ARHGEF33: variants seen among roughly 807,000 people sequenced by gnomAD.
ARHGEF33 encodes DH and coiled-coil domain-containing protein ENSP00000381780.
Under a neutral mutation model 101.9 loss-of-function variants are expected in ARHGEF33, and 72 were observed. The observed-to-expected ratio is 0.71, with a 90% CI of 0.58 to 0.86. The LOEUF (loss-of-function observed/expected upper bound fraction) is 0.86, where lower values mean the gene tolerates loss of function less well. Among genes scored for constraint, ARHGEF33 ranks in the 40% least tolerant of loss-of-function variants. The probability of loss-of-function intolerance (pLI) is 0.00; values close to 1 mark genes in which losing one functional copy is unlikely to be tolerated. For synonymous variants in ARHGEF33, 499 were observed against 442.5 expected, an observed-to-expected ratio of 1.13 and a Z score of -1.60; for missense variants, 1,169 against 1,111.3, an observed-to-expected ratio of 1.05 and a Z score of -0.74.
chr2:38,941,820 C>T (rs1460734078), intron 9 of ARHGEF33, among the ~76,000 whole-genome samples: 2 of 152,166 alleles, frequency 1.3e-5, no homozygotes, highest in African/African-American at 4.8e-5. Context: ...GCTGGGATTA[C>T]AGGTGTGAGC....
chr2:38,955,156 A>G lies in ARHGEF33; in HGVS notation c.1221+700A>G, dbSNP rs183901997. Among the ~76,000 whole-genome samples the G allele has an allele frequency of 8.5e-5, 13 of 152,312 alleles. No individual in the cohort carries two copies. The East Asian group carries it at 9.6e-4, about 11-fold the overall frequency. ...CATCTAACCTGTTCACTTAACTGCT[A>G]TCCTGACTACTTTCTTTTGGCATTG... is the stretch of plus-strand genomic sequence containing the variant. On this transcript the variant is annotated intron_variant, in intron 13 of 17. Coordinates refer to ENST00000409978, the MANE Select transcript of ARHGEF33 (RefSeq NM_001145451.5).
At chr2:38,944,277 G>C (rs568297816) in intron 10 of ARHGEF33, among the ~76,000 whole-genome samples, 21 of 152,222 alleles carry the variant, frequency 1.4e-4, no homozygotes, top group Non-Finnish European at 2.6e-4. Context: ...GGGAGTCTAA[G>C]ATCGAGGTGC....
At chr2:38,968,463 C>G (rs1668098234) in intron 17 of ARHGEF33, among the ~76,000 whole-genome samples, 1 of 152,164 alleles carries the variant, frequency 6.6e-6, no homozygotes, top group Admixed American at 6.5e-5. Context: ...TTTTGAAGCC[C>G]TAGCATGTAG....
At chr2:38,964,462 G>A (rs904577187) in intron 16 of ARHGEF33, among the ~76,000 whole-genome samples, 1 of 151,596 alleles carries the variant, frequency 6.6e-6, no homozygotes, top group East Asian at 1.9e-4. Flanking sequence ...CTCTGCTAAT[G>A]TTAATCTGTA....
chr2:38,937,103 T>G (rs1336455477), intron 8 of ARHGEF33: 3 of 396,444 alleles, frequency 7.6e-6, no homozygotes, highest in Admixed American at 3.9e-5. Flanking sequence ...CAAGCGATTC[T>G]CCTGCCTCAG....
rs570012888 is a variant in ARHGEF33, at chr2:38,918,372, G to A, written c.-85-991G>A. ...GGTGCATCTGAGTGATATGTCCCAG[G>A]TCATGTATCTATCATGCCTTAGCTG... On this transcript the variant is annotated intron_variant, in intron 2 of 17. Coordinates refer to ENST00000409978, the MANE Select transcript of ARHGEF33 (RefSeq NM_001145451.5). Among the ~76,000 whole-genome samples, 24 of 152,308 alleles carry A rather than the reference G, an allele frequency of 1.6e-4. No individual in the cohort carries two copies. The South Asian group carries it at 4.6e-3, about 29-fold the overall frequency.
chr2:38,956,140 A>G (rs1174623431), intron 13 of ARHGEF33, among the ~76,000 whole-genome samples: 1 of 152,148 alleles, frequency 6.6e-6, no homozygotes, highest in Non-Finnish European at 1.5e-5. Context: ...TAACACACCT[A>G]GTAGGTAAAA....
At chr2:38,891,730 C>A (rs550951240) in intron 1 of ARHGEF33, among the ~76,000 whole-genome samples, 1 of 148,966 alleles carries the variant, frequency 6.7e-6, no homozygotes, top group East Asian at 1.9e-4. Context: ...TCCCCACCCG[C>A]CCCCCACACA....
rs552392533 is a variant in ARHGEF33 at position 38,906,262 on chromosome 2, T to C, written c.-86+10413T>C. ...CTAACTATCTGGGACAAAGGAGAAG[T>C]ATGTAATTCAGTTTGGAGGTAGGGG... On this transcript the variant is annotated intron_variant, in intron 2 of 17. Transcript: ENST00000409978. Among the ~76,000 whole-genome samples the C allele has an allele frequency of 4.2e-4, 63 of 151,394 alleles. No homozygotes were observed. The South Asian group carries it at 0.013, about 31-fold the overall frequency.
chr2:38,933,798 A>G (rs74430579), intron 7 of ARHGEF33, among the ~76,000 whole-genome samples: 12 of 152,326 alleles, frequency 7.9e-5, no homozygotes, highest in African/African-American at 2.6e-4. Flanking sequence ...AAGGACGTAA[A>G]TGCTAAGGGG....
At chr2:38,910,668 T>A (rs907944392) in intron 2 of ARHGEF33, among the ~76,000 whole-genome samples, 2 of 152,228 alleles carry the variant, frequency 1.3e-5, no homozygotes, top group African/African-American at 4.8e-5. Context: ...GAATTGGTGG[T>A]TACATCCCTC....
chr2:38,903,132 C>T (rs970265481), intron 2 of ARHGEF33, among the ~76,000 whole-genome samples: 5 of 152,194 alleles, frequency 3.3e-5, no homozygotes, highest in Non-Finnish European at 5.9e-5. Context: ...ATGAGCTTCT[C>T]TGGGCTTCTG....
At chr2:38,925,651 C>T (rs1261291880) in intron 4 of ARHGEF33, among the ~76,000 whole-genome samples, 1 of 152,172 alleles carries the variant, frequency 6.6e-6, no homozygotes, top group Non-Finnish European at 1.5e-5. Context: ...GCAGAAAACT[C>T]GTGTTGCTTC....
At chr2:38,966,238 T>C (rs900345752) in intron 17 of ARHGEF33, 93 bp downstream of exon 17, 2 of 1,448,792 alleles carry the variant, frequency 1.4e-6, no homozygotes, top group Admixed American at 4.9e-5. Context: ...AGTAGCCTGG[T>C]CTCACACAAC....
chr2:38,917,109 T>TTTTTTTTTTTTTTTTG (rs1553341360), intron 2 of ARHGEF33, among the ~76,000 whole-genome samples: 2 of 149,224 alleles, frequency 1.3e-5, no homozygotes, highest in Non-Finnish European at 3.0e-5. Context: ...CTTCTTTTTT[T>TTTTTTTTTTTTTTTTG]GAGACGGAGT....
chr2:38,957,912 A>G lies in ARHGEF33; in HGVS notation c.1371-122A>G, dbSNP rs970558194. On this transcript the variant is annotated intron_variant, in intron 14 of 17. Transcript: ENST00000409978. The stretch of plus-strand genomic sequence containing the variant: ...CAACTTAGTTTGCAAAGGCCCCTGG[A>G]GATAGAGACCTTCACAGCAAACTTT... 14 of 1,220,126 alleles carry G rather than the reference A, an allele frequency of 1.1e-5. No homozygotes were observed. In the African/African-American group the frequency reaches 2.0e-4, roughly 17 times the overall value. 75.6% of individuals were successfully genotyped at this position (1,220,126 alleles called of 1,614,324 possible).
Position 38,973,804 on chromosome 2 carries a change from T to G in ARHGEF33, c.2574T>G (p.Leu858=). ...AACAAGATTTCTTCAGAAACCGACT[T>G]GCTCTTGCAAATGACCTTGACCAAG... is the stretch of plus-strand genomic sequence containing the variant. ...PTKQDFFRNR[L]ALANDLDQGT... The change falls in exon 18 of 18, where the codon CTT becomes CTG. Residue 858 remains leucine (L), a synonymous_variant. Coordinates refer to ENST00000409978, the MANE Select transcript of ARHGEF33 (RefSeq NM_001145451.5). 1 of 1,549,278 alleles carries G rather than the reference T, an allele frequency of 6.5e-7. No individual in the cohort carries two copies.
chr2:38,956,858 T>C, intron 13 of ARHGEF33, 41 bp from the exon 14 acceptor site: 1 of 1,544,276 alleles, frequency 6.5e-7, no homozygotes. Flanking sequence ...CAAATTTTCA[T>C]GCTGATTATG....
rs550152789 is a variant in ARHGEF33 at position 38,914,893 on chromosome 2, T to C, written c.-85-4470T>C. On this transcript the variant is annotated intron_variant, in intron 2 of 17. Coordinates refer to ENST00000409978, the MANE Select transcript of ARHGEF33 (RefSeq NM_001145451.5). ...CAGTTGGGATTGGGGAGGAACACTT[T>C]TACCTCTGCTCAAACAGCCACAATA... 3.9e-5 allele frequency among the ~76,000 whole-genome samples: 6 copies of C among 152,234 alleles called. No homozygotes were observed. In the East Asian group the frequency reaches 1.2e-3, roughly 29 times the overall value.
Sources: allele counts gnomAD v4.1 joint callset (sites outside exome capture counted in the v4.1 genomes callset), GRCh38; gene constraint gnomAD v4.1.1; transcripts MANE v1.5; gene names NCBI Gene and HGNC (gene_info 2026-07-23, HGNC 2026-07-21).